The following RIGI variants were observed in gnomAD, a reference collection of about 807,000 sequenced individuals.
RIGI encodes RNA sensor RIG-I, also known as antiviral innate immune response receptor RIG-I.
the RIGI span, among the ~76,000 whole-genome samples, chr9:32,505,686 C>T: frequency 6.6e-6 from 1 of 152,148 alleles, no homozygotes; most frequent in Non-Finnish European, 1.5e-5. Flanking sequence ...AACAAATCTG[C>T]TCTTTTCCAC....
chr9:32,479,293 G>A, the RIGI span, among the ~76,000 whole-genome samples: 1 of 152,070 alleles, frequency 6.6e-6, no homozygotes, highest in Non-Finnish European at 1.5e-5. Context: ...ATAAGCTTAT[G>A]TACATATATA....
chr9:32,466,369 ATTTG>A, the RIGI span: 4 of 1,613,752 alleles, frequency 2.5e-6, no homozygotes, highest in Non-Finnish European at 3.4e-6. Context: ...GTACATGTTT[ATTTG>A]TTCTTTTTCA....
the RIGI span, among the ~76,000 whole-genome samples, chr9:32,508,173 T>A: frequency 2.2e-4 from 33 of 150,666 alleles, no homozygotes; most frequent in Non-Finnish European, 4.3e-4. Context: ...TTAACTCTTA[T>A]TTATCATAAT....
the RIGI span, chr9:32,466,578 G>A: frequency 2.8e-6 from 2 of 721,560 alleles, no homozygotes; most frequent in South Asian, 1.9e-5. Context: ...AAGTTGAGCT[G>A]TTAAAGAGTG....
the RIGI span, among the ~76,000 whole-genome samples, chr9:32,497,377 T>C: frequency 6.6e-6 from 1 of 152,250 alleles, no homozygotes; most frequent in Admixed American, 6.5e-5. Context: ...TTTTGAGGTG[T>C]TGATTTTGTG....
At chr9:32,464,370 G>C in the RIGI span, among the ~76,000 whole-genome samples, 1 of 152,028 alleles carries the variant, frequency 6.6e-6, no homozygotes, top group South Asian at 2.1e-4. Context: ...TCCCTACCTC[G>C]TTATACTTTT....
At chr9:32,512,862 T>G in the RIGI span, among the ~76,000 whole-genome samples, 1 of 152,060 alleles carries the variant, frequency 6.6e-6, no homozygotes, top group African/African-American at 2.4e-5. Flanking sequence ...GATAAGCAAC[T>G]TCAGCAAAGT....
the RIGI span, chr9:32,468,025 G>A: frequency 8.6e-7 from 1 of 1,166,736 alleles, no homozygotes; most frequent in Non-Finnish European, 1.2e-6. Flanking sequence ...CTTATTATAT[G>A]CCAAGTACTG....
chr9:32,502,053 T>C, the RIGI span, among the ~76,000 whole-genome samples: 1 of 152,194 alleles, frequency 6.6e-6, no homozygotes, highest in East Asian at 1.9e-4. Context: ...AGGCAAACAC[T>C]AATCAAATTG....
the RIGI span, among the ~76,000 whole-genome samples, chr9:32,524,654 G>A: frequency 7.8e-6 from 1 of 128,568 alleles, no homozygotes; most frequent in Non-Finnish European, 1.6e-5. Context: ...TGTCACCCAG[G>A]CTGAGTGCAG....
At chr9:32,524,522 C>T in the RIGI span, among the ~76,000 whole-genome samples, 1 of 149,606 alleles carries the variant, frequency 6.7e-6, no homozygotes, top group Non-Finnish European at 1.5e-5. Context: ...ACTGCAATAA[C>T]ATCAGGAAAG....
the RIGI span, among the ~76,000 whole-genome samples, chr9:32,512,496 A>T: frequency 1.3e-5 from 2 of 152,218 alleles, no homozygotes. Context: ...GATGCAGAAA[A>T]CGCCGTTGAT....
At chr9:32,495,349 C>G in the RIGI span, among the ~76,000 whole-genome samples, 1 of 151,176 alleles carries the variant, frequency 6.6e-6, no homozygotes, top group Non-Finnish European at 1.5e-5. Context: ...TTACAGGCAC[C>G]CGCCACCGCA....
chr9:32,460,250 C>T, the RIGI span, among the ~76,000 whole-genome samples: 1 of 152,198 alleles, frequency 6.6e-6, no homozygotes, highest in South Asian at 2.1e-4. Context: ...TTTGTTTTCC[C>T]AATCTCGGTT....
At chr9:32,470,638 T>C in the RIGI span, among the ~76,000 whole-genome samples, 1 of 152,136 alleles carries the variant, frequency 6.6e-6, no homozygotes, top group East Asian at 1.9e-4. Flanking sequence ...ATTTGACAGA[T>C]GAAGAAAGTA....
At chr9:32,481,828 G>A in the RIGI span, among the ~76,000 whole-genome samples, 3 of 152,226 alleles carry the variant, frequency 2.0e-5, no homozygotes, top group Non-Finnish European at 2.9e-5. Context: ...CAGGTGATCC[G>A]CCTGCCTCGG....
At chr9:32,488,001 T>C in the RIGI span, 3 of 1,614,074 alleles carry the variant, frequency 1.9e-6, no homozygotes, top group Non-Finnish European at 2.5e-6. Context: ...TTAAACATGA[T>C]CATATTGTAC....
the RIGI span, among the ~76,000 whole-genome samples, chr9:32,462,153 C>A: frequency 6.6e-6 from 1 of 152,100 alleles, no homozygotes; most frequent in South Asian, 2.1e-4. Context: ...CAGTTTCCTG[C>A]CTATAAAATG....
At chr9:32,476,954 T>A in the RIGI span, 1 of 1,586,080 alleles carries the variant, frequency 6.3e-7, no homozygotes, top group Non-Finnish European at 8.6e-7. Flanking sequence ...TGGGTCCATT[T>A]GTTATCTACA....
Sources: gnomAD v4.1 joint callset for allele counts (sites outside exome capture counted in the v4.1 genomes callset) on GRCh38, gnomAD v4.1.1 for gene constraint, MANE v1.5 for transcripts, NCBI Gene and HGNC (gene_info 2026-07-23, HGNC 2026-07-21) for gene names.